The following LETM1 variants were observed in gnomAD, a reference collection of about 807,000 sequenced individuals.
The protein encoded by LETM1 is leucine zipper and EF-hand containing transmembrane protein 1, also known as mitochondrial proton/calcium exchanger protein.
A neutral mutation model predicts 74.5 loss-of-function variants in LETM1; 50 were observed. The observed-to-expected ratio is 0.67, with a 90% CI of 0.53 to 0.85. LETM1 has a LOEUF of 0.85. Ranked by LOEUF, LETM1 falls within the 40% of genes least tolerant of loss-of-function variation. The pLI, the probability that LETM1 is intolerant of heterozygous loss-of-function variation, is 0.00. For missense variants in LETM1, 824 were observed against 967.8 expected (o/e 0.85, Z 1.97); for synonymous variants, 446 against 407.1 (o/e 1.10, Z -1.15).
intron 4 of LETM1, among the ~76,000 whole-genome samples, chr4:1,835,938 G>A (rs1450788781): frequency 3.9e-5 from 6 of 152,152 alleles, no homozygotes; most frequent in Admixed American, 1.3e-4. Flanking sequence ...TTAGTCAGAT[G>A]TGGTGGCTTA....
rs961015175 is a variant in LETM1, at chr4:1,825,795, A to C, written c.1081-112T>G. On this transcript the variant is annotated intron_variant, in intron 6 of 13. Coordinates refer to ENST00000302787, the MANE Select transcript of LETM1 (RefSeq NM_012318.3). ...AACAGATTTTGCCAAGCAAGAATCA[A>C]ACCACGGCCACCAAAGCCCAGTTCT... is the stretch of plus-strand genomic sequence containing the variant. 1.4e-5 allele frequency: 18 copies of C among 1,256,828 alleles called. No individual in the cohort carries two copies. In the Admixed American group the frequency reaches 3.8e-4, roughly 26 times the overall value. 77.9% of individuals were successfully genotyped at this position (1,256,828 alleles called of 1,614,324 possible). A position where few individuals can be genotyped will look rare whatever the true frequency, so the allele number is the denominator to read the frequency against.
Position 1,855,888 on chromosome 4 carries a change from A to AGGC in LETM1, c.60_62dup (p.Pro21dup), listed in dbSNP as rs1401379338. Reference sequence around the variant, plus strand: ...GCTTACCCCGCGGGACGGTGTACCGAGGCGGCGGCGGGAGGCGGGCGGGCG... The same window carrying AGGC: ...GCTTACCCCGCGGGACGGTGTACCGAGGCGGCGGCGGCGGGAGGCGGGCGGGCG... On this transcript the variant is annotated inframe_insertion, in exon 1 of 14. Coordinates refer to ENST00000302787, the MANE Select transcript of LETM1 (RefSeq NM_012318.3). 4.8e-6 allele frequency: 6 copies of AGGC among 1,238,404 alleles called. No homozygotes were observed. The highest frequency in any genetic ancestry group is 3.1e-5 in the African/African-American group (2 of 63,544). 76.7% of individuals were successfully genotyped at this position (1,238,404 alleles called of 1,614,324 possible). A position where few individuals can be genotyped will look rare whatever the true frequency, so the allele number is the denominator to read the frequency against.
At chr4:1,829,328 CGGCTGGCCA>C (rs1265800202) in intron 6 of LETM1, among the ~76,000 whole-genome samples, 2 of 147,664 alleles carry the variant, frequency 1.4e-5, no homozygotes, top group Non-Finnish European at 3.0e-5. Flanking sequence ...CCAGACGGGG[CGGCTGGCCA>C]GGCGGAGGGC....
At chr4:1,839,868 T>C (rs1236514702) in intron 3 of LETM1, among the ~76,000 whole-genome samples, 2 of 152,344 alleles carry the variant, frequency 1.3e-5, no homozygotes, top group South Asian at 2.1e-4. Flanking sequence ...GGAAGATCCA[T>C]GCCCCTTCCC....
intron 3 of LETM1, chr4:1,839,254 C>G (rs1340340416): frequency 6.6e-6 from 1 of 152,146 alleles, no homozygotes. Context: ...AGATGTGGAA[C>G]CTTGGGGTCA....
chr4:1,827,951 G>A (rs1452894131), intron 6 of LETM1, among the ~76,000 whole-genome samples: 3 of 146,480 alleles, frequency 2.0e-5, no homozygotes, highest in Non-Finnish European at 3.0e-5. Flanking sequence ...CGGATGGGGC[G>A]GCTGGCCGGG....
chr4:1,832,298 G>A (rs943503986), intron 6 of LETM1, among the ~76,000 whole-genome samples: 4 of 151,164 alleles, frequency 2.6e-5, no homozygotes, highest in African/African-American at 4.9e-5. Context: ...TCGAAACACC[G>A]TCTCAAAAAA....
chr4:1,828,876 T>A (rs1577316667), intron 6 of LETM1, among the ~76,000 whole-genome samples: 1 of 84,250 alleles, frequency 1.2e-5, no homozygotes, highest in Non-Finnish European at 2.3e-5. Context: ...CACCCCCACC[T>A]CCCTCCCGGA....
chr4:1,855,804 G>A (rs1288945575), intron 1 of LETM1, 65 bp downstream of exon 1: 5 of 984,474 alleles, frequency 5.1e-6, no homozygotes, highest in Non-Finnish European at 6.5e-6. Context: ...CCGAACCCGC[G>A]GGTCGTCCGC....
chr4:1,837,182 C>A (rs1404310093), intron 3 of LETM1, among the ~76,000 whole-genome samples: 1 of 152,178 alleles, frequency 6.6e-6, no homozygotes, highest in Non-Finnish European at 1.5e-5. Flanking sequence ...GTGCTGCTCA[C>A]AGGGGTCCCT....
intron 5 of LETM1, chr4:1,833,353 C>G (rs759704605): frequency 1.2e-5 from 3 of 247,968 alleles, no homozygotes; most frequent in Admixed American, 5.0e-5. Flanking sequence ...GACTCCGGTG[C>G]TGGGCTAGCC....
At chr4:1,851,367 G>C (rs1361553556) in intron 1 of LETM1, among the ~76,000 whole-genome samples, 7 of 152,154 alleles carry the variant, frequency 4.6e-5, no homozygotes, top group Non-Finnish European at 8.8e-5. Flanking sequence ...CCGGCAACGA[G>C]AGCCACCGTG....
intron 4 of LETM1, among the ~76,000 whole-genome samples, chr4:1,835,969 G>A (rs759357531): frequency 2.0e-5 from 3 of 152,230 alleles, no homozygotes; most frequent in South Asian, 2.1e-4. Flanking sequence ...CCAGCTATTC[G>A]GGAGCTAAGA....
chr4:1,849,043 T>C, intron 2 of LETM1, 106 bp downstream of exon 2: 1 of 764,908 alleles, frequency 1.3e-6, no homozygotes, highest in Middle Eastern at 2.3e-4. Context: ...AACAGGAAAG[T>C]AGGATACACT....
At position 1,823,745 on chromosome 4, in the gene LETM1, G is replaced by A. The variant is rs1253381533; in HGVS notation, c.1231C>T (p.Pro411Ser). ...CGGGACAGGATGAGCAGCGATGTGG[G>A]GATCTCCTGATGCAGGTGCAGGTCC... is the stretch of plus-strand genomic sequence containing the variant. ...WLDLHLHQEI[P>S]TSLLILSRAM... Residue 411 changes from proline (P) to serine (S), a missense_variant, in exon 8 of 14, where the codon CCC (proline) becomes TCC (serine). Pro to Ser is a moderately conservative substitution (Grantham distance 74). Coordinates refer to ENST00000302787, the MANE Select transcript of LETM1 (RefSeq NM_012318.3). 1 of 1,613,338 alleles carries A rather than the reference G, an allele frequency of 6.2e-7. No individual in the cohort carries two copies. The highest frequency in any genetic ancestry group is 1.3e-5 in the African/African-American group (1 of 74,872).
chr4:1,828,277 C>G (rs1472895454), intron 6 of LETM1, among the ~76,000 whole-genome samples: 5 of 108,814 alleles, frequency 4.6e-5, no homozygotes, highest in East Asian at 3.3e-4. Context: ...GGGCGGGGGG[C>G]TGACCCCCCC....
At chr4:1,844,975 A>T (rs898977732) in intron 2 of LETM1, among the ~76,000 whole-genome samples, 3 of 150,822 alleles carry the variant, frequency 2.0e-5, no homozygotes, top group African/African-American at 7.3e-5. Context: ...GCAGATCACG[A>T]GGTCAGGAGT....
intron 3 of LETM1, among the ~76,000 whole-genome samples, chr4:1,840,138 G>A (rs192962398): frequency 1.3e-3 from 201 of 152,346 alleles, no homozygotes; most frequent in African/African-American, 4.6e-3. Flanking sequence ...AGCACTTTGC[G>A]AGGCCAAGGC....
At chr4:1,855,141 C>G (rs1325092895) in intron 1 of LETM1, among the ~76,000 whole-genome samples, 1 of 152,182 alleles carries the variant, frequency 6.6e-6, no homozygotes. Context: ...AGTATGATCG[C>G]ACCACTGCAC....
Sources: allele counts gnomAD v4.1 joint callset (sites outside exome capture counted in the v4.1 genomes callset), GRCh38; gene constraint gnomAD v4.1.1; transcripts MANE v1.5; gene names NCBI Gene and HGNC (gene_info 2026-07-23, HGNC 2026-07-21).